PEF1: variants seen among roughly 807,000 people sequenced by gnomAD.
The protein encoded by PEF1 is penta-EF-hand domain containing 1.
A neutral mutation model predicts 32.0 loss-of-function variants in PEF1; 17 were observed. That is an observed-to-expected ratio of 0.53 (90% CI 0.36 to 0.80). The LOEUF is 0.80. Among genes scored for constraint, PEF1 ranks in the 30% least tolerant of loss-of-function variants. The pLI is 0.00. For missense variants in PEF1, 362 were observed against 369.1 expected, an observed-to-expected ratio of 0.98 and a Z score of 0.16; for synonymous variants, 130 against 139.8, an observed-to-expected ratio of 0.93 and a Z score of 0.50.
intron 1 of PEF1, among the ~76,000 whole-genome samples, chr1:31,642,086 A>C (rs1189750338): frequency 6.6e-6 from 1 of 152,106 alleles, no homozygotes; most frequent in Non-Finnish European, 1.5e-5. Context: ...ACAAAAAATT[A>C]GCCAGGTGTG....
rs776246376 is a variant in PEF1 at position 31,635,529 on chromosome 1, G to A, written c.25-7C>T. On this transcript the variant is annotated splice_region_variant and splice_polypyrimidine_tract_variant and intron_variant, in intron 1 of 4. Coordinates refer to ENST00000373703, the MANE Select transcript of PEF1 (RefSeq NM_012392.4). ...CTGCAGCTCCTGGGCAGCCCTGCAG[G>A]AAGAGCAAGATATCAGTCAGAATGA... is the stretch of plus-strand genomic sequence containing the variant. 9.9e-6 allele frequency: 15 copies of A among 1,508,928 alleles called. No individual in the cohort carries two copies. Among genetic ancestry groups the A allele is most frequent in the African/African-American group, 4.2e-5 (3 of 71,490 alleles). 93.5% of individuals were successfully genotyped at this position (1,508,928 alleles called of 1,614,324 possible).
At chr1:31,635,666 A>C in intron 1 of PEF1, 144 bp from the exon 2 acceptor site, 2 of 876,350 alleles carry the variant, frequency 2.3e-6, no homozygotes, top group Non-Finnish European at 3.2e-6. Context: ...CACTGCTCAG[A>C]TGGGCAAACT....
At position 31,633,307 on chromosome 1, in the gene PEF1, G is replaced by A. The variant is rs1455998084; in HGVS notation, c.333C>T (p.Ala111=). 3.2e-5 allele frequency: 52 copies of A among 1,611,234 alleles called. No individual in the cohort carries two copies. The highest frequency in any genetic ancestry group is 4.2e-5 in the Non-Finnish European group (50 of 1,178,430). ...QQPGLYGQGG[A]PPNVDPEAYS... Reference sequence around the variant, plus strand: ...AGGCCTCAGGATCCACATTGGGAGGGGCGCCACCTGGAGGAAGGGGTGTGA... The same window carrying A: ...AGGCCTCAGGATCCACATTGGGAGGAGCGCCACCTGGAGGAAGGGGTGTGA... Residue 111 remains alanine (A), a synonymous_variant, in exon 3 of 5, where the codon GCC becomes GCT. Transcript: ENST00000373703.
intron 1 of PEF1, among the ~76,000 whole-genome samples, chr1:31,638,982 T>C (rs1012243911): frequency 5.9e-5 from 9 of 152,256 alleles, no homozygotes; most frequent in African/African-American, 1.9e-4. Flanking sequence ...AATCTACTTA[T>C]GTGCTATCAA....
rs574573360 is a variant in PEF1 at position 31,639,690 on chromosome 1, AT to A, written c.25-4169del. ...CACACTTGGGGATGAAGAGAACGGA[AT>A]GGATTCTGAAGCTATTTCAGAGATA... On this transcript the variant is annotated intron_variant, in intron 1 of 4. Transcript: ENST00000373703. Among the ~76,000 whole-genome samples the A allele has an allele frequency of 1.2e-4, 18 of 152,362 alleles. No homozygotes were observed. The South Asian group carries it at 3.3e-3, about 28-fold the overall frequency.
chr1:31,636,463 T>C (rs1640257305), intron 1 of PEF1, among the ~76,000 whole-genome samples: 1 of 151,836 alleles, frequency 6.6e-6, no homozygotes. Context: ...GGTGACAGAG[T>C]AAGATCCGAT....
chr1:31,631,096 G>A (rs1640088894), intron 4 of PEF1, among the ~76,000 whole-genome samples: 1 of 152,162 alleles, frequency 6.6e-6, no homozygotes, highest in Non-Finnish European at 1.5e-5. Context: ...TTCAACTGAG[G>A]CTCAGGGGAT....
intron 1 of PEF1, 116 bp from the exon 2 acceptor site, chr1:31,635,638 G>A: frequency 9.2e-7 from 1 of 1,086,406 alleles, no homozygotes; most frequent in Non-Finnish European, 1.2e-6. Flanking sequence ...CCTATAGGTA[G>A]GGTTGGAATT....
chr1:31,644,486 C>A (rs114435331), intron 1 of PEF1: 18,344 of 1,242,476 alleles, frequency 0.015, 155 homozygotes, highest in Middle Eastern at 0.033. Flanking sequence ...TCGGCGGAAC[C>A]AGAACTCTAA....
At chr1:31,634,496 G>T (rs1023878674) in intron 2 of PEF1, among the ~76,000 whole-genome samples, 1 of 152,168 alleles carries the variant, frequency 6.6e-6, no homozygotes, top group African/African-American at 2.4e-5. Flanking sequence ...CCTGGAATGT[G>T]TGTCTTCTGA....
At position 31,635,428 on chromosome 1, in the gene PEF1, A is replaced by C; in HGVS notation, c.119T>G (p.Leu40Arg). ...ACCCCCATAACCACCACCAGGGGGT[A>C]GCCCACTACCATACTGCCCTCCACT... ...PNSGGQYGSG[L>R]PPGGGYGGPA... Residue 40 changes from leucine to arginine, a missense_variant, in exon 2 of 5, where the codon CTA (leucine) becomes CGA (arginine). Leu to Arg is a moderately radical substitution (Grantham distance 102). Coordinates refer to ENST00000373703, the MANE Select transcript of PEF1 (RefSeq NM_012392.4). 6.2e-7 allele frequency: 1 copy of C among 1,612,030 alleles called. No homozygotes were observed. The highest frequency in any genetic ancestry group is 8.5e-7 in the Non-Finnish European group (1 of 1,179,000).
intron 4 of PEF1, among the ~76,000 whole-genome samples, chr1:31,631,122 G>A (rs562429999): frequency 1.1e-4 from 17 of 152,250 alleles, no homozygotes; most frequent in African/African-American, 3.9e-4. Flanking sequence ...AGACGACAAC[G>A]GACTATCCGC....
At chr1:31,637,643 C>CAAAAAA in intron 1 of PEF1, among the ~76,000 whole-genome samples, 1 of 58,540 alleles carries the variant, frequency 1.7e-5, no homozygotes, top group Non-Finnish European at 3.1e-5. Context: ...ACCCTGTCTC[C>CAAAAAA]AAAAAAAAAA....
chr1:31,643,650 G>A (rs1570287316), intron 1 of PEF1, among the ~76,000 whole-genome samples: 1 of 152,228 alleles, frequency 6.6e-6, no homozygotes, highest in Admixed American at 6.5e-5. Context: ...TCATGATTAG[G>A]ATAATGGAGG....
chr1:31,634,933 A>G, intron 2 of PEF1: 1 of 562,742 alleles, frequency 1.8e-6, no homozygotes, highest in Non-Finnish European at 3.3e-6. Context: ...CTGCTCCTTC[A>G]GCATGTATCC....
intron 4 of PEF1, among the ~76,000 whole-genome samples, chr1:31,631,263 G>C (rs1640095146): frequency 6.6e-6 from 1 of 152,206 alleles, no homozygotes; most frequent in Non-Finnish European, 1.5e-5. Context: ...TGGGCAAGTT[G>C]CTTAGCCTCA....
At chr1:31,642,164 C>T (rs199681441) in intron 1 of PEF1, among the ~76,000 whole-genome samples, 12 of 152,320 alleles carry the variant, frequency 7.9e-5, no homozygotes, top group East Asian at 7.7e-4. Flanking sequence ...ACCCGGGAGA[C>T]GGAGGTTGCA....
Position 31,633,334 on chromosome 1 carries a change from G to A in PEF1, c.326-20C>T. ...CGCCACCTGGAGGAAGGGGTGTGAA[G>A]GCCATCAACAGAAATGCCAGGAAGG... On this transcript the variant is annotated intron_variant, in intron 2 of 4. Coordinates refer to ENST00000373703, the MANE Select transcript of PEF1 (RefSeq NM_012392.4). 1 of 1,594,356 alleles carries A rather than the reference G, an allele frequency of 6.3e-7. No individual in the cohort carries two copies. The highest frequency in any genetic ancestry group is 8.6e-7 in the Non-Finnish European group (1 of 1,167,738).
chr1:31,642,793 C>T (rs1190083153), intron 1 of PEF1, among the ~76,000 whole-genome samples: 3 of 152,212 alleles, frequency 2.0e-5, no homozygotes, highest in African/African-American at 7.2e-5. Flanking sequence ...ACTAGCAACA[C>T]GCCAGGCTCC....
Sources: allele counts gnomAD v4.1 joint callset (sites outside exome capture counted in the v4.1 genomes callset), GRCh38; gene constraint gnomAD v4.1.1; transcripts MANE v1.5; gene names NCBI Gene and HGNC (gene_info 2026-07-23, HGNC 2026-07-21).